The following TG variants were observed in gnomAD, a reference collection of about 807,000 sequenced individuals.
TG encodes thyroid hormones.
TG carries 270 observed loss-of-function variants against 324.7 expected under a neutral mutation model. That is an observed-to-expected ratio of 0.83 (90% confidence interval 0.75 to 0.92). The LOEUF is 0.92. TG is among the 40% of genes least tolerant of loss of function. TG has a pLI of 0.00. For synonymous variants in TG, 1,401 were observed against 1,327.0 expected, an observed-to-expected ratio of 1.06 and a Z score of -1.21; for missense variants, 3,591 against 3,456.4, an observed-to-expected ratio of 1.04 and a Z score of -0.98.
rs545322553 is a variant in TG, at chr8:133,012,112, A to G, written c.6397+77A>G. On this transcript the variant is annotated intron_variant, in intron 36 of 47. Coordinates refer to ENST00000220616, the MANE Select transcript of TG (RefSeq NM_003235.5). ...TGCTGCTCAAGATTCTCAACTTAGAAAAACACATGAGACACTACGATAACC... is the reference window on the plus strand; with the variant it reads ...TGCTGCTCAAGATTCTCAACTTAGAGAAACACATGAGACACTACGATAACC... The G allele has an allele frequency of 4.4e-6, 7 of 1,593,192 alleles. No individual in the cohort carries two copies. In the African/African-American group the frequency reaches 9.4e-5, roughly 21 times the overall value.
intron 34 of TG, among the ~76,000 whole-genome samples, chr8:132,982,937 G>A (rs766321245): frequency 1.3e-5 from 2 of 152,210 alleles, no homozygotes; most frequent in Non-Finnish European, 2.9e-5. Context: ...TCAATGTCAT[G>A]AGAAAAGAAA....
chr8:132,868,092 A>T, intron 1 of TG, 23 bp from the exon 2 acceptor site: 1 of 1,611,678 alleles, frequency 6.2e-7, no homozygotes. Context: ...CTCTTCTTTG[A>T]TGAACCACTT....
At chr8:133,127,482 C>G (rs1005798266) in intron 45 of TG, among the ~76,000 whole-genome samples, 3 of 152,074 alleles carry the variant, frequency 2.0e-5, no homozygotes, top group Non-Finnish European at 2.9e-5. Flanking sequence ...TGCAGCGACC[C>G]TAGGATTTCT....
chr8:132,964,770 A>G (rs1264507252), intron 29 of TG: 17 of 630,066 alleles, frequency 2.7e-5, no homozygotes, highest in Non-Finnish European at 4.3e-5. Flanking sequence ...TTCACAGGCT[A>G]GTGAGAATTC....
At chr8:132,932,741 C>T (rs1300427671) in intron 23 of TG, among the ~76,000 whole-genome samples, 1 of 152,184 alleles carries the variant, frequency 6.6e-6, no homozygotes, top group Non-Finnish European at 1.5e-5. Flanking sequence ...GCATGGCCTC[C>T]TGTCATCTTG....
At chr8:132,966,279 A>C (rs769061348) in intron 29 of TG, among the ~76,000 whole-genome samples, 41 of 152,192 alleles carry the variant, frequency 2.7e-4, no homozygotes, top group Non-Finnish European at 4.4e-4. Flanking sequence ...ATAACTTCCA[A>C]GGCTTTATCC....
intron 45 of TG, among the ~76,000 whole-genome samples, chr8:133,117,792 C>T (rs1359082803): frequency 2.0e-5 from 3 of 152,202 alleles, no homozygotes; most frequent in Non-Finnish European, 4.4e-5. Context: ...CACTCACATC[C>T]ATGGTCTATT....
At chr8:132,968,933 C>T (rs1829047683) in intron 31 of TG, among the ~76,000 whole-genome samples, 1 of 152,134 alleles carries the variant, frequency 6.6e-6, no homozygotes, top group African/African-American at 2.4e-5. Flanking sequence ...TCTGATGCAC[C>T]CAAGAGATCC....
At chr8:132,993,695 C>T (rs1832604164) in intron 35 of TG, among the ~76,000 whole-genome samples, 1 of 152,192 alleles carries the variant, frequency 6.6e-6, no homozygotes, top group South Asian at 2.1e-4. Context: ...GTCTTAAACT[C>T]TTGCTAGATC....
At chr8:133,116,500 G>T in intron 44 of TG, 109 bp from the exon 45 acceptor site, 1 of 867,432 alleles carries the variant, frequency 1.2e-6, no homozygotes, top group Non-Finnish European at 2.0e-6. Flanking sequence ...GGCCTGGCAG[G>T]GGTGGGTTGG....
intron 10 of TG, 53 bp downstream of exon 10, chr8:132,888,621 G>GTA (rs1815779938): frequency 4.2e-6 from 6 of 1,425,860 alleles, no homozygotes; most frequent in Middle Eastern, 2.5e-4. Context: ...GTGTGTGTGT[G>GTA]TATGTGTGTT....
chr8:132,901,097 G>C lies in TG; in HGVS notation c.3434-256G>C, dbSNP rs140970999. ...ATTTCACAGAACTGTACCTGCTCAC[G>C]TACTTGTTAACTCTCCTTTAAGACT... On this transcript the variant is annotated intron_variant, in intron 15 of 47. Transcript: ENST00000220616. 2.1e-3 allele frequency among the ~76,000 whole-genome samples: 320 copies of C among 152,318 alleles called. 2 individuals are homozygous for C. Among genetic ancestry groups the C allele is most frequent in the African/African-American group, 7.5e-3 (312 of 41,574 alleles).
At chr8:132,881,800 A>T in intron 5 of TG, 63 bp from the exon 6 acceptor site, 1 of 1,166,492 alleles carries the variant, frequency 8.6e-7, no homozygotes, top group Non-Finnish European at 1.3e-6. Flanking sequence ...ATTTATTTCT[A>T]CAGGAAAAGC....
intron 41 of TG, among the ~76,000 whole-genome samples, chr8:133,045,440 A>G (rs1230438072): frequency 8.0e-6 from 1 of 125,004 alleles, no homozygotes. Context: ...TGTCACCCAG[A>G]CTGGAGTGCA....
chr8:133,005,964 T>C (rs1236217886), intron 35 of TG, among the ~76,000 whole-genome samples: 1 of 152,188 alleles, frequency 6.6e-6, no homozygotes, highest in Non-Finnish European at 1.5e-5. Flanking sequence ...ATCTTCTCCC[T>C]GCACTGGAGG....
rs80180591 is a variant in TG, at chr8:132,884,867, G to A, written c.1076-1581G>A. 6.4e-4 allele frequency among the ~76,000 whole-genome samples: 97 copies of A among 152,352 alleles called. 1 individual carries two copies. The highest frequency in any genetic ancestry group is 2.3e-3 in the African/African-American group (94 of 41,578). On this transcript the variant is annotated intron_variant, in intron 8 of 47. Coordinates refer to ENST00000220616, the MANE Select transcript of TG (RefSeq NM_003235.5). ...GCTTTGGTAACACTACATAACAAAT[G>A]GATGGAAAGAGAAAGGGTAAGCTCT...
At chr8:133,090,681 C>T (rs1346264212) in intron 41 of TG, among the ~76,000 whole-genome samples, 1 of 152,190 alleles carries the variant, frequency 6.6e-6, no homozygotes, top group Non-Finnish European at 1.5e-5. Flanking sequence ...ATTTTCCCTC[C>T]ATTGTCTCCT....
rs536002559 is a variant in TG at position 132,925,258 on chromosome 8, T to C, written c.4699+1750T>C. 3.3e-5 allele frequency among the ~76,000 whole-genome samples: 5 copies of C among 152,334 alleles called. No homozygotes were observed. The East Asian group carries it at 7.7e-4, about 23-fold the overall frequency. ...GGATAGAATATACCTAGAATTTGAA[T>C]TGGTGTATGTCAAACCACCAAACCT... is the stretch of plus-strand genomic sequence containing the variant. On this transcript the variant is annotated intron_variant, in intron 22 of 47. Transcript: ENST00000220616.
chr8:133,080,311 C>G (rs1462995851), intron 41 of TG, among the ~76,000 whole-genome samples: 1 of 152,164 alleles, frequency 6.6e-6, no homozygotes, highest in Admixed American at 6.5e-5. Flanking sequence ...TCCACTCACT[C>G]TATGTATCTA....
Sources: gnomAD v4.1 joint callset for allele counts (sites outside exome capture counted in the v4.1 genomes callset) on GRCh38, gnomAD v4.1.1 for gene constraint, MANE v1.5 for transcripts, NCBI Gene and HGNC (gene_info 2026-07-23, HGNC 2026-07-21) for gene names.